The following LRIG1 variants were observed in gnomAD, a reference collection of about 807,000 sequenced individuals.
LRIG1 encodes leucine-rich repeats and immunoglobulin-like domains protein 1.
Under a neutral mutation model 99.2 loss-of-function variants are expected in LRIG1, and 48 were observed. The ratio of observed to expected loss-of-function variants is 0.48; its 90% confidence interval spans 0.38 to 0.62. The LOEUF (loss-of-function observed/expected upper bound fraction) is 0.62, where lower values mean the gene tolerates loss of function less well. Ranked by LOEUF, LRIG1 falls within the 20% of genes least tolerant of loss-of-function variation. LRIG1 has a pLI of 0.00. For synonymous variants in LRIG1, 772 were observed against 596.1 expected (o/e 1.29, Z -4.30); for missense variants, 1,646 against 1,434.4 (o/e 1.15, Z -2.38).
At position 66,500,203 on chromosome 3, in the gene LRIG1, A is replaced by T. The variant is rs1701325056; in HGVS notation, c.205T>A (p.Trp69Arg). ...GGCGGCACTCACAGGCTCCGCGTCC[A>T]GGAGGGCAGGTCCCCGGGCAACGCA... ...LAALPGDLPS[W>R]TRSLNLSYNK... The change falls in exon 1 of 19, where the codon TGG becomes AGG. Residue 69 changes from tryptophan (W) to arginine (R), a missense_variant. Coordinates refer to ENST00000273261, the MANE Select transcript of LRIG1 (RefSeq NM_015541.3). 1.3e-6 allele frequency: 2 copies of T among 1,515,872 alleles called. No individual in the cohort carries two copies. Among genetic ancestry groups the T allele is most frequent in the Non-Finnish European group, 1.8e-6 (2 of 1,138,552 alleles). The allele number at this position is 1,515,872 out of a possible 1,614,324, so 93.9% of individuals were successfully genotyped here.
intron 3 of LRIG1, among the ~76,000 whole-genome samples, chr3:66,419,930 A>G (rs748894078): frequency 2.0e-5 from 3 of 151,112 alleles, no homozygotes; most frequent in African/African-American, 7.3e-5. Context: ...GCTACTGACT[A>G]GACCTTCCCT....
At chr3:66,388,834 C>CA (rs1417806430) in intron 12 of LRIG1, among the ~76,000 whole-genome samples, 2 of 152,276 alleles carry the variant, frequency 1.3e-5, no homozygotes, top group South Asian at 4.1e-4. Context: ...TGACTGTTAT[C>CA]AGGCCTGCCC....
chr3:66,425,365 T>C (rs1319182835), intron 3 of LRIG1, among the ~76,000 whole-genome samples: 3 of 152,222 alleles, frequency 2.0e-5, no homozygotes, highest in Non-Finnish European at 2.9e-5. Context: ...CCCAGAGTCC[T>C]GTGTGAGAAG....
intron 18 of LRIG1, 21 bp from the exon 19 acceptor site, chr3:66,380,510 T>G (rs982074054): frequency 6.2e-7 from 1 of 1,613,860 alleles, no homozygotes; most frequent in African/African-American, 1.3e-5. Flanking sequence ...AGAACGAACC[T>G]GTCAGACCCC....
chr3:66,466,785 A>G lies in LRIG1; in HGVS notation c.219-4276T>C, dbSNP rs115092943. On this transcript the variant is annotated intron_variant, in intron 1 of 18. Transcript: ENST00000273261. The stretch of plus-strand genomic sequence containing the variant: ...AATGTGTCTTCAGTTGAAGGTTTCA[A>G]ATTCTCCTGTCAAAACAATTCATCT... Among the ~76,000 whole-genome samples, 655 of 152,314 alleles carry G rather than the reference A, an allele frequency of 4.3e-3. 3 individuals are homozygous for G. The highest frequency in any genetic ancestry group is 8.0e-3 in the Non-Finnish European group (542 of 68,018).
rs1700893630 is a variant in LRIG1, at chr3:66,379,351, G to T, written c.*912C>A. The T allele has an allele frequency of 6.6e-6, 1 of 152,184 alleles. No homozygotes were observed. The highest frequency in any genetic ancestry group is 1.5e-5 in the Non-Finnish European group (1 of 68,014). 9.4% of individuals were successfully genotyped at this position (152,184 alleles called of 1,614,324 possible). A position where few individuals can be genotyped will look rare whatever the true frequency, so the allele number is the denominator to read the frequency against. ...AACTTCCTCCTTTCTGTCCCCCAAG[G>T]CCAATGTAATACTCATTATATTGGC... is the stretch of plus-strand genomic sequence containing the variant. On this transcript the variant is annotated 3_prime_UTR_variant, in exon 19 of 19. Coordinates refer to ENST00000273261, the MANE Select transcript of LRIG1 (RefSeq NM_015541.3).
At chr3:66,443,299 G>A (rs969177532) in intron 3 of LRIG1, among the ~76,000 whole-genome samples, 4 of 123,246 alleles carry the variant, frequency 3.2e-5, no homozygotes, top group East Asian at 4.2e-4. Context: ...AGGGAAGGGA[G>A]GGTATGTGTT....
chr3:66,501,040 C>G (rs1274591330), upstream of LRIG1: 5 of 152,622 alleles, frequency 3.3e-5, no homozygotes, highest in African/African-American at 9.7e-5. Flanking sequence ...TCCCCGCGGC[C>G]CAGCCCCGGC....
At chr3:66,385,502 G>C (rs1233314098) in intron 13 of LRIG1, among the ~76,000 whole-genome samples, 1 of 152,214 alleles carries the variant, frequency 6.6e-6, no homozygotes, top group Non-Finnish European at 1.5e-5. Flanking sequence ...ACCCAGGCTG[G>C]AATGCAGTGG....
Position 66,380,168 on chromosome 3 carries a change from C to T in LRIG1, c.*95G>A. The T allele has an allele frequency of 2.1e-6, 2 of 959,522 alleles. No individual in the cohort carries two copies. Among genetic ancestry groups the T allele is most frequent in the South Asian group, 1.6e-5 (1 of 60,718 alleles). 59.4% of individuals were successfully genotyped at this position (959,522 alleles called of 1,614,324 possible). The stretch of plus-strand genomic sequence containing the variant: ...TCCACATGGGAGTTACAACTATGTA[C>T]AGATGAGTGACGCTTGAACCCAAGC... On this transcript the variant is annotated 3_prime_UTR_variant, in exon 19 of 19. Transcript: ENST00000273261.
chr3:66,396,555 A>G (rs1353423657), intron 11 of LRIG1, among the ~76,000 whole-genome samples: 1 of 152,250 alleles, frequency 6.6e-6, no homozygotes, highest in Non-Finnish European at 1.5e-5. Flanking sequence ...GGCCGGCTCC[A>G]GCGAGGTATA....
intron 3 of LRIG1, among the ~76,000 whole-genome samples, chr3:66,448,153 T>C (rs1703787640): frequency 6.6e-6 from 1 of 152,194 alleles, no homozygotes; most frequent in African/African-American, 2.4e-5. Context: ...AATCAGAAAG[T>C]ATTAACCAAC....
chr3:66,498,873 A>C (rs1158907994), intron 1 of LRIG1, among the ~76,000 whole-genome samples: 1 of 152,220 alleles, frequency 6.6e-6, no homozygotes, highest in Non-Finnish European at 1.5e-5. Flanking sequence ...CTTTACATTT[A>C]AAAGGAATTA....
At chr3:66,406,075 G>A (rs1702258731) in intron 8 of LRIG1, 1 of 986,092 alleles carries the variant, frequency 1.0e-6, no homozygotes, top group African/African-American at 1.7e-5. Flanking sequence ...GCAGACACAG[G>A]CCAGGGAGAG....
At chr3:66,410,404 G>A (rs1237537221) in intron 6 of LRIG1, 132 bp from the exon 7 acceptor site, 7 of 819,896 alleles carry the variant, frequency 8.5e-6, no homozygotes, top group Non-Finnish European at 1.3e-5. Flanking sequence ...ACAGAACTGT[G>A]GAGTCTAGTC....
intron 3 of LRIG1, among the ~76,000 whole-genome samples, chr3:66,429,084 A>T (rs1335289671): frequency 3.4e-4 from 52 of 152,162 alleles, no homozygotes; most frequent in Middle Eastern, 6.8e-3. Context: ...CAACCTCCCA[A>T]CCCGTTCACT....
At chr3:66,432,593 G>C (rs964797230) in intron 3 of LRIG1, among the ~76,000 whole-genome samples, 1 of 152,170 alleles carries the variant, frequency 6.6e-6, no homozygotes, top group Admixed American at 6.5e-5. Flanking sequence ...AGATGGGGAT[G>C]CTAAGGCACG....
At chr3:66,383,422 T>A (rs781124246) in intron 14 of LRIG1, 21 bp from the exon 15 acceptor site, 1 of 1,520,804 alleles carries the variant, frequency 6.6e-7, no homozygotes, top group Non-Finnish European at 8.8e-7. Context: ...GCAACAGAGA[T>A]CTTAGTCATT....
At chr3:66,477,326 T>A (rs1301408811) in intron 1 of LRIG1, among the ~76,000 whole-genome samples, 1 of 152,214 alleles carries the variant, frequency 6.6e-6, no homozygotes, top group Admixed American at 6.5e-5. Flanking sequence ...CCCGGGTCAT[T>A]TGCCCTCTGG....
Sources: gnomAD v4.1 joint callset for allele counts (sites outside exome capture counted in the v4.1 genomes callset) on GRCh38, gnomAD v4.1.1 for gene constraint, MANE v1.5 for transcripts, NCBI Gene and HGNC (gene_info 2026-07-23, HGNC 2026-07-21) for gene names.